The following PDE6C variants were observed in gnomAD, a reference collection of about 807,000 sequenced individuals.
The protein encoded by PDE6C is cone cGMP-specific 3',5'-cyclic phosphodiesterase subunit alpha'.
Under a neutral mutation model 113.1 loss-of-function variants are expected in PDE6C, and 75 were observed. The observed-to-expected ratio is 0.66, with a 90% CI of 0.55 to 0.80. The LOEUF (loss-of-function observed/expected upper bound fraction) is 0.80, where lower values mean the gene tolerates loss of function less well. Among genes scored for constraint, PDE6C ranks in the 30% least tolerant of loss-of-function variants. The probability of loss-of-function intolerance (pLI) is 0.00; values close to 1 mark genes in which losing one functional copy is unlikely to be tolerated. For synonymous variants in PDE6C, 375 were observed against 363.7 expected (o/e 1.03, Z -0.35); for missense variants, 912 against 1,038.6 (o/e 0.88, Z 1.67).
At chr10:93,659,237 C>T (rs1394387347) in intron 18 of PDE6C, 70 bp downstream of exon 18, 1 of 1,064,836 alleles carries the variant, frequency 9.4e-7, no homozygotes, top group African/African-American at 1.6e-5. Flanking sequence ...AAATGTCCAC[C>T]TAAAGATCTC....
intron 10 of PDE6C, among the ~76,000 whole-genome samples, chr10:93,636,245 C>T (rs753153260): frequency 4.3e-4 from 66 of 152,192 alleles, no homozygotes; most frequent in Non-Finnish European, 2.8e-4. Context: ...AGCCACATCA[C>T]GAAGACCAAC....
At chr10:93,636,657 A>T (rs1425951010) in intron 10 of PDE6C, among the ~76,000 whole-genome samples, 1 of 152,180 alleles carries the variant, frequency 6.6e-6, no homozygotes, top group Non-Finnish European at 1.5e-5. Flanking sequence ...TTTAAAAATC[A>T]AATATATTAG....
At chr10:93,633,900 A>G (rs2058515324) in intron 8 of PDE6C, among the ~76,000 whole-genome samples, 1 of 152,244 alleles carries the variant, frequency 6.6e-6, no homozygotes, top group African/African-American at 2.4e-5. Context: ...TAGAATTGTC[A>G]GAAAACAGAC....
At chr10:93,648,887 C>T (rs939308839) in intron 15 of PDE6C, among the ~76,000 whole-genome samples, 7 of 152,162 alleles carry the variant, frequency 4.6e-5, no homozygotes, top group Admixed American at 1.3e-4. Flanking sequence ...TCATATCAAC[C>T]GCATCAGCCT....
intron 18 of PDE6C, among the ~76,000 whole-genome samples, chr10:93,661,521 A>T (rs959524215): frequency 1.4e-4 from 22 of 152,196 alleles, no homozygotes; most frequent in African/African-American, 4.6e-4. Flanking sequence ...AAAGAAAAAG[A>T]TCACCCCTTA....
intron 4 of PDE6C, among the ~76,000 whole-genome samples, chr10:93,622,639 G>GATTTTTTTTTTTTTTTTTTTTTT (rs2058452298): frequency 8.8e-6 from 1 of 113,992 alleles, no homozygotes; most frequent in African/African-American, 3.7e-5. Context: ...GTAGCCACAG[G>GATTTTTTTTTTTTTTTTTTTTTT]TTTTTTTTTT....
chr10:93,659,219 T>G (rs751660981), intron 18 of PDE6C, 52 bp downstream of exon 18: 2 of 1,238,420 alleles, frequency 1.6e-6, no homozygotes, highest in Admixed American at 3.5e-5. Flanking sequence ...ACTGCCTAGG[T>G]CCCATGTAAA....
intron 1 of PDE6C, among the ~76,000 whole-genome samples, chr10:93,617,610 C>T (rs1047073410): frequency 1.3e-5 from 2 of 152,080 alleles, no homozygotes; most frequent in Non-Finnish European, 2.9e-5. Flanking sequence ...CCTGTCCCTA[C>T]TAAAAATACA....
chr10:93,661,452 T>C (rs1363601200), intron 18 of PDE6C, among the ~76,000 whole-genome samples: 18 of 152,208 alleles, frequency 1.2e-4, no homozygotes, highest in Admixed American at 1.2e-3. Flanking sequence ...TACACTATTA[T>C]TGTTACAGCA....
chr10:93,634,833 AT>A lies in PDE6C; in HGVS notation c.1197del (p.Ile399MetfsTer36). The A allele has an allele frequency of 6.2e-7, 1 of 1,614,154 alleles. No individual in the cohort carries two copies. The highest frequency in any genetic ancestry group is 8.5e-7 in the Non-Finnish European group (1 of 1,179,984). ...SLPIVNKKED[I>X]VGVATFYNRK... Reference sequence around the variant, plus strand: ...GCCTATTGTCAACAAGAAAGAAGATATTGTGGGAGTGGCTACATTTTACAAC... The same window carrying A: ...GCCTATTGTCAACAAGAAAGAAGATATGTGGGAGTGGCTACATTTTACAAC... On this transcript the variant is annotated frameshift_variant, in exon 9 of 22. Coordinates refer to ENST00000371447, the MANE Select transcript of PDE6C (RefSeq NM_006204.4). LOFTEE classifies it high-confidence loss of function.
Position 93,640,121 on chromosome 10 carries a change from A to G in PDE6C, c.1534A>G (p.Ser512Gly). The G allele has an allele frequency of 6.2e-7, 1 of 1,614,068 alleles. No homozygotes were observed. Among genetic ancestry groups the G allele is most frequent in the Non-Finnish European group, 8.5e-7 (1 of 1,179,888 alleles). Residue 512 changes from serine to glycine, a missense_variant, in exon 12 of 22, where the codon AGT becomes GGT. By Grantham distance (56) the Ser-to-Gly change is moderately conservative. Coordinates refer to ENST00000371447, the MANE Select transcript of PDE6C (RefSeq NM_006204.4). ...RSAELYEFRF[S>G]DFPLTEHGLI... ...AGCAGAACTGTACGAATTCCGCTTCAGTGACTTCCCCCTTACAGAGCACGG... is the reference window on the plus strand; with the variant it reads ...AGCAGAACTGTACGAATTCCGCTTCGGTGACTTCCCCCTTACAGAGCACGG...
chr10:93,640,533 G>A lies in PDE6C; in HGVS notation c.1713G>A (p.Gly571=). 6.2e-7 allele frequency: 1 copy of A among 1,612,684 alleles called. No individual in the cohort carries two copies. Among genetic ancestry groups the A allele is most frequent in the Non-Finnish European group, 8.5e-7 (1 of 1,178,714 alleles). Residue 571 remains glycine, a synonymous_variant, in exon 13 of 22, where the codon GGG becomes GGA. Coordinates refer to ENST00000371447, the MANE Select transcript of PDE6C (RefSeq NM_006204.4). The part of the protein sequence containing the change: ...YHNWRHGFNV[G]QTMFTLLMTG... ...ATTGGCGGCATGGGTTCAACGTGGGGCAGACCATGTTTACTTTGCTGATGG... is the reference window on the plus strand; with the variant it reads ...ATTGGCGGCATGGGTTCAACGTGGGACAGACCATGTTTACTTTGCTGATGG...
At chr10:93,635,406 G>T in intron 9 of PDE6C, 91 bp from the exon 10 acceptor site, 6 of 953,162 alleles carry the variant, frequency 6.3e-6, no homozygotes, top group Non-Finnish European at 1.0e-5. Flanking sequence ...GATGATGGAA[G>T]GGAGATGGAT....
At chr10:93,657,328 A>ATTTTTTT (rs71031526) in intron 16 of PDE6C, among the ~76,000 whole-genome samples, 11 of 88,286 alleles carry the variant, frequency 1.2e-4, no homozygotes, top group East Asian at 3.5e-4. Context: ...CGCCTGGCTA[A>ATTTTTTT]TTTTTTTTTT....
chr10:93,648,359 A>T (rs922667721), intron 15 of PDE6C, among the ~76,000 whole-genome samples: 20 of 152,192 alleles, frequency 1.3e-4, no homozygotes, highest in African/African-American at 4.8e-4. Flanking sequence ...GTCGCTAGGC[A>T]ATGCAGTCAC....
In PDE6C at chr10:93,620,775, G is replaced by A; in HGVS notation, c.624G>A (p.Gln208=). 2 of 1,614,166 alleles carry A rather than the reference G, an allele frequency of 1.2e-6. No individual in the cohort carries two copies. Among genetic ancestry groups the A allele is most frequent in the Non-Finnish European group, 1.7e-6 (2 of 1,180,030 alleles). ...NKVNASEFSK[Q]DEEVFSKYLN... ...TAAATGCATCTGAATTTTCCAAACA[G>A]GATGAAGAGGTAATGCTAACCCTGG... Residue 208 remains glutamine (Q), a synonymous_variant, in exon 2 of 22, where the codon CAG becomes CAA. Coordinates refer to ENST00000371447, the MANE Select transcript of PDE6C (RefSeq NM_006204.4).
At chr10:93,635,745 T>A in intron 10 of PDE6C, 105 bp downstream of exon 10, 2 of 1,212,738 alleles carry the variant, frequency 1.6e-6, no homozygotes, top group East Asian at 4.8e-5. Context: ...GGTTTACTCC[T>A]GGGCTGAGAG....
At chr10:93,653,558 C>T (rs554250376) in intron 15 of PDE6C, among the ~76,000 whole-genome samples, 4 of 151,968 alleles carry the variant, frequency 2.6e-5, no homozygotes, top group Admixed American at 6.6e-5. Context: ...GCAGGAGAAT[C>T]GCTTGAACCC....
At chr10:93,647,744 G>A (rs998875976) in intron 15 of PDE6C, among the ~76,000 whole-genome samples, 10 of 152,140 alleles carry the variant, frequency 6.6e-5, no homozygotes, top group African/African-American at 2.4e-4. Flanking sequence ...TTGGGCCTGG[G>A]AATCTGTATT....
Sources: gnomAD v4.1 joint callset for allele counts (sites outside exome capture counted in the v4.1 genomes callset) on GRCh38, gnomAD v4.1.1 for gene constraint, MANE v1.5 for transcripts, NCBI Gene and HGNC (gene_info 2026-07-23, HGNC 2026-07-21) for gene names.